KIAA1328: variants seen among roughly 807,000 people sequenced by gnomAD.
KIAA1328 encodes the protein KIAA1328.
In KIAA1328, 52 loss-of-function variants were observed where a neutral mutation model predicts 68.1. The ratio of observed to expected loss-of-function variants is 0.76; its 90% confidence interval spans 0.61 to 0.96. The LOEUF (loss-of-function observed/expected upper bound fraction) is 0.96. KIAA1328 is among the 40% of genes least tolerant of loss of function. The pLI, the probability that KIAA1328 is intolerant of heterozygous loss-of-function variation, is 0.00. For missense variants in KIAA1328, 641 were observed against 677.6 expected (o/e 0.95, Z 0.60); for synonymous variants, 232 against 239.4 (o/e 0.97, Z 0.28).
chr18:36,896,799 C>T (rs571316953), intron 5 of KIAA1328, among the ~76,000 whole-genome samples: 2 of 152,172 alleles, frequency 1.3e-5, no homozygotes, highest in African/African-American at 4.8e-5. Context: ...TTTTACATTA[C>T]TGATTTTCCT....
chr18:36,870,556 C>T (rs994875078), intron 4 of KIAA1328, among the ~76,000 whole-genome samples: 6 of 152,108 alleles, frequency 3.9e-5, no homozygotes, highest in Admixed American at 6.5e-5. Flanking sequence ...AGATATGCTG[C>T]GTATGTTTGG....
At chr18:37,090,744 G>A (rs2057243734) in intron 7 of KIAA1328, among the ~76,000 whole-genome samples, 2 of 152,270 alleles carry the variant, frequency 1.3e-5, no homozygotes, top group African/African-American at 2.4e-5. Context: ...CAAGTGTATA[G>A]TCTTATATTT....
chr18:37,153,858 A>G (rs1364314170), intron 7 of KIAA1328, among the ~76,000 whole-genome samples: 1 of 129,376 alleles, frequency 7.7e-6, no homozygotes, highest in African/African-American at 2.8e-5. Flanking sequence ...TTTTTCTTTT[A>G]AAAAAAAAAA....
chr18:37,231,372 A>G (rs929511405), downstream of KIAA1328: 3 of 152,198 alleles, frequency 2.0e-5, no homozygotes, highest in Non-Finnish European at 4.4e-5. Flanking sequence ...TCTGCCTTAC[A>G]GGTTTGGTGC....
chr18:37,184,593 G>A (rs2059759432), intron 9 of KIAA1328, among the ~76,000 whole-genome samples: 2 of 152,170 alleles, frequency 1.3e-5, no homozygotes, highest in African/African-American at 2.4e-5. Flanking sequence ...TAGAGTTAAA[G>A]GCCGAAGATC....
chr18:36,829,382 C>T, intron 1 of KIAA1328, 186 bp downstream of exon 1: 1 of 1,371,580 alleles, frequency 7.3e-7, no homozygotes, highest in Non-Finnish European at 9.4e-7. Flanking sequence ...GGCCGAGAGA[C>T]TGGTACTGTC....
At chr18:36,940,513 G>A (rs1329229615) in intron 5 of KIAA1328, among the ~76,000 whole-genome samples, 6 of 152,096 alleles carry the variant, frequency 3.9e-5, no homozygotes, top group Non-Finnish European at 7.4e-5. Flanking sequence ...CTGTAGTTGT[G>A]AAGCATTTGA....
At chr18:37,106,599 G>T (rs554870663) in intron 7 of KIAA1328, among the ~76,000 whole-genome samples, 3 of 151,722 alleles carry the variant, frequency 2.0e-5, no homozygotes, top group Non-Finnish European at 2.9e-5. Context: ...TTGTATTTTT[G>T]ATAGAGACTG....
In KIAA1328 at chr18:37,098,557, A is replaced by T. The variant is rs199821060; in HGVS notation, c.1232+31012A>T. 5.3e-5 allele frequency among the ~76,000 whole-genome samples: 8 copies of T among 152,134 alleles called. No individual in the cohort carries two copies. In the East Asian group the frequency reaches 1.5e-3, roughly 29 times the overall value. On this transcript the variant is annotated intron_variant, in intron 7 of 9. Coordinates refer to ENST00000280020, the MANE Select transcript of KIAA1328 (RefSeq NM_020776.3). ...TCTCTTTTTTTGTTGTGTCTCTGCC[A>T]GGCTTTGGTACCAGGATGATCCTGG...
At chr18:37,049,916 G>A (rs2055622644) in intron 6 of KIAA1328, among the ~76,000 whole-genome samples, 1 of 152,096 alleles carries the variant, frequency 6.6e-6, no homozygotes, top group Non-Finnish European at 1.5e-5. Flanking sequence ...TTAACCAATA[G>A]CATAAATACA....
At chr18:36,992,040 T>C (rs1410175740) in intron 6 of KIAA1328, among the ~76,000 whole-genome samples, 2 of 152,220 alleles carry the variant, frequency 1.3e-5, no homozygotes, top group East Asian at 3.9e-4. Flanking sequence ...CATCTTTTCA[T>C]AGGTATGTTG....
chr18:37,025,572 C>T (rs896846258), intron 6 of KIAA1328, among the ~76,000 whole-genome samples: 1 of 152,140 alleles, frequency 6.6e-6, no homozygotes, highest in African/African-American at 2.4e-5. Context: ...AAGAAACTCA[C>T]TCAAAACCGC....
intron 7 of KIAA1328, among the ~76,000 whole-genome samples, chr18:37,125,704 C>A (rs1240890522): frequency 6.6e-6 from 1 of 152,148 alleles, no homozygotes; most frequent in Non-Finnish European, 1.5e-5. Context: ...TAAGGAAATA[C>A]AGATTGGTCA....
chr18:36,900,126 A>G lies in KIAA1328; in HGVS notation c.448+14454A>G, dbSNP rs567339154. 5.3e-5 allele frequency among the ~76,000 whole-genome samples: 8 copies of G among 152,044 alleles called. No homozygotes were observed. In the South Asian group the frequency reaches 6.2e-4, roughly 12 times the overall value. ...TAGCCTCTCTCCGAAAAAACAAACC[A>G]TGTGCCAAATATATGTTAGTAAAAG... On this transcript the variant is annotated intron_variant, in intron 5 of 9. Transcript: ENST00000280020.
At position 36,835,359 on chromosome 18, in the gene KIAA1328, G is replaced by C; in HGVS notation, c.220G>C (p.Asp74His). ...ISMESLKGTG[D>H]SVDEQNSCRG... ...CATGGAGTCCTTAAAAGGCACAGGAGATTCAGTAGATGAACAGGTTAGTAT... is the reference window on the plus strand; with the variant it reads ...CATGGAGTCCTTAAAAGGCACAGGACATTCAGTAGATGAACAGGTTAGTAT... Residue 74 changes from aspartate (D) to histidine (H), a missense_variant, in exon 3 of 10, where the codon GAT becomes CAT. By Grantham distance (81) the Asp-to-His change is moderately conservative (BLOSUM62 -1). Coordinates refer to ENST00000280020, the MANE Select transcript of KIAA1328 (RefSeq NM_020776.3). 1.9e-6 allele frequency: 3 copies of C among 1,611,944 alleles called. No homozygotes were observed. The highest frequency in any genetic ancestry group is 2.5e-6 in the Non-Finnish European group (3 of 1,179,106).
At chr18:36,965,158 G>A (rs1042245642) in intron 6 of KIAA1328, among the ~76,000 whole-genome samples, 1 of 151,948 alleles carries the variant, frequency 6.6e-6, no homozygotes, top group South Asian at 2.1e-4. Flanking sequence ...AATTTTCTTA[G>A]GATTTCTTTT....
chr18:36,904,931 C>G (rs1031726612), intron 5 of KIAA1328, among the ~76,000 whole-genome samples: 1 of 151,934 alleles, frequency 6.6e-6, no homozygotes, highest in Non-Finnish European at 1.5e-5. Context: ...ATCAATTAAC[C>G]TTCCAGTGAT....
At chr18:37,045,162 A>G (rs2151638922) in intron 6 of KIAA1328, among the ~76,000 whole-genome samples, 1 of 152,294 alleles carries the variant, frequency 6.6e-6, no homozygotes, top group East Asian at 1.9e-4. Flanking sequence ...TTTGAGGTAT[A>G]CCTTTATAAT....
chr18:37,186,316 A>G (rs2059799169), intron 9 of KIAA1328, among the ~76,000 whole-genome samples: 1 of 151,726 alleles, frequency 6.6e-6, no homozygotes, highest in African/African-American at 2.4e-5. Context: ...TCACGCTCCC[A>G]ACACTTTGGG....
Sources: allele counts gnomAD v4.1 joint callset (sites outside exome capture counted in the v4.1 genomes callset), GRCh38; gene constraint gnomAD v4.1.1; transcripts MANE v1.5; gene names NCBI Gene and HGNC (gene_info 2026-07-23, HGNC 2026-07-21).